The following CYP2C8 variants were observed in gnomAD, a reference collection of about 807,000 sequenced individuals.
The protein encoded by CYP2C8 is cytochrome P450 family 2 subfamily C member 8, also known as cytochrome P450 2C8.
CYP2C8 carries 51 observed loss-of-function variants against 41.3 expected under a neutral mutation model. The observed-to-expected ratio is 1.24, with a 90% CI of 0.99 to 1.56. CYP2C8 has a LOEUF of 1.56. CYP2C8 is among the 40% of genes most tolerant of loss of function. CYP2C8 has a pLI of 0.00. For missense variants in CYP2C8, 651 were observed against 579.9 expected, an observed-to-expected ratio of 1.12 and a Z score of -1.26; for synonymous variants, 218 against 205.8, an observed-to-expected ratio of 1.06 and a Z score of -0.51.
rs1405880034 is a variant in CYP2C8 at position 95,045,961 on chromosome 10, AT to A, written c.820-11del. The A allele has an allele frequency of 1.2e-6, 2 of 1,613,588 alleles. No individual in the cohort carries two copies. The highest frequency in any genetic ancestry group is 2.7e-5 in the African/African-American group (2 of 74,922). ...TTTGGTTGTCCTTTTCCTAGAAGTGATTTCATGCAATTATCTGACAAATTAT... is the reference window on the plus strand; with the variant it reads ...TTTGGTTGTCCTTTTCCTAGAAGTGATTCATGCAATTATCTGACAAATTAT... On this transcript the variant is annotated splice_polypyrimidine_tract_variant and intron_variant, in intron 5 of 8. Coordinates refer to ENST00000371270, the MANE Select transcript of CYP2C8 (RefSeq NM_000770.3).
rs552247471 is a variant in CYP2C8 at position 95,038,936 on chromosome 10, T to A, written c.1252A>T (p.Asn418Tyr). 1.2e-6 allele frequency: 2 copies of A among 1,614,042 alleles called. No individual in the cohort carries two copies. Among genetic ancestry groups the A allele is most frequent in the South Asian group, 2.2e-5 (2 of 91,084 alleles). ...ATGAAGTAGTCACTTTTCTTAAAGT[T>A]GCCATTCTTATCTAGAAAGTGGCCA... Reference protein sequence around the residue: ...DPGHFLDKNGNFKKSDYFMPF... With the variant: ...DPGHFLDKNGYFKKSDYFMPF... The change falls in exon 8 of 9, where the codon AAC (asparagine) becomes TAC (tyrosine). Residue 418 changes from asparagine to tyrosine, a missense_variant. Asn to Tyr is a moderately radical substitution (Grantham distance 143). Transcript: ENST00000371270.
intron 5 of CYP2C8, among the ~76,000 whole-genome samples, chr10:95,054,612 T>A (rs2033277527): frequency 6.6e-6 from 1 of 152,082 alleles, no homozygotes; most frequent in African/African-American, 2.4e-5. Context: ...AAGGAAGACG[T>A]AAAACTATTT....
chr10:95,059,110 G>A (rs947684679), intron 4 of CYP2C8, among the ~76,000 whole-genome samples: 2 of 152,172 alleles, frequency 1.3e-5, no homozygotes, highest in Non-Finnish European at 2.9e-5. Flanking sequence ...ACATACGTGT[G>A]CATGTGTCTT....
intron 5 of CYP2C8, among the ~76,000 whole-genome samples, chr10:95,051,872 A>T (rs2033219781): frequency 6.6e-6 from 1 of 152,116 alleles, no homozygotes; most frequent in Non-Finnish European, 1.5e-5. Context: ...ATAGAAGAAA[A>T]ACATCAAATA....
chr10:95,055,809 G>T (rs911215717), intron 5 of CYP2C8, among the ~76,000 whole-genome samples: 1 of 152,078 alleles, frequency 6.6e-6, no homozygotes, highest in African/African-American at 2.4e-5. Context: ...TAAGCAAAGG[G>T]CCAGGTGTGG....
At chr10:95,053,894 G>A (rs981252615) in intron 5 of CYP2C8, among the ~76,000 whole-genome samples, 6 of 151,968 alleles carry the variant, frequency 3.9e-5, no homozygotes, top group African/African-American at 1.5e-4. Flanking sequence ...TAACAAACCT[G>A]CACATTCTGC....
At chr10:95,060,028 G>C (rs1245986899) in intron 4 of CYP2C8, among the ~76,000 whole-genome samples, 1 of 152,202 alleles carries the variant, frequency 6.6e-6, no homozygotes, top group Non-Finnish European at 1.5e-5. Flanking sequence ...CCAGTACCAA[G>C]CTGTTTTGGT....
chr10:95,068,751 A>G, intron 1 of CYP2C8: 1 of 577,998 alleles, frequency 1.7e-6, no homozygotes, highest in Non-Finnish European at 2.9e-6. Context: ...GCTATTTCTG[A>G]CAATGACAGA....
intron 5 of CYP2C8, among the ~76,000 whole-genome samples, chr10:95,055,376 T>G (rs1227793297): frequency 1.3e-5 from 2 of 151,874 alleles, no homozygotes; most frequent in Non-Finnish European, 2.9e-5. Flanking sequence ...AATAAATAAA[T>G]AAAGGAAGCG....
chr10:95,066,009 C>T (rs1039127329), intron 3 of CYP2C8, among the ~76,000 whole-genome samples: 1 of 151,962 alleles, frequency 6.6e-6, no homozygotes, highest in African/African-American at 2.4e-5. Context: ...AAGAAACCTG[C>T]TGAGTTAGCT....
chr10:95,039,221 T>C (rs1228178198), intron 7 of CYP2C8, 183 bp from the exon 8 acceptor site: 1 of 621,576 alleles, frequency 1.6e-6, no homozygotes, highest in Admixed American at 2.6e-5. Context: ...AGCTTTCCAA[T>C]CACATTTGAA....
At chr10:95,046,748 T>TAAAAAAAAAAAAAAAAAAAAAAAAAAAA (rs56702266) in intron 5 of CYP2C8, among the ~76,000 whole-genome samples, 1 of 128,984 alleles carries the variant, frequency 7.8e-6, no homozygotes, top group Non-Finnish European at 1.6e-5. Context: ...CTAAATATGG[T>TAAAAAAAAAAAAAAAAAAAAAAAAAAAA]AAAAAAAAAA....
At chr10:95,054,317 A>AC (rs1361572105) in intron 5 of CYP2C8, among the ~76,000 whole-genome samples, 1 of 152,168 alleles carries the variant, frequency 6.6e-6, no homozygotes, top group Non-Finnish European at 1.5e-5. Context: ...AACAAGATAG[A>AC]CCATCTGAAT....
chr10:95,046,951 T>C (rs2033121033), intron 5 of CYP2C8, among the ~76,000 whole-genome samples: 1 of 152,154 alleles, frequency 6.6e-6, no homozygotes, highest in South Asian at 2.1e-4. Flanking sequence ...TTGTTATAGG[T>C]GGAATCTGGT....
Position 95,036,982 on chromosome 10 carries a change from C to T in CYP2C8, c.*146G>A, listed in dbSNP as rs1589434561. The T allele has an allele frequency of 3.9e-6, 3 of 767,170 alleles. No homozygotes were observed. Among genetic ancestry groups the T allele is most frequent in the Admixed American group, 2.0e-5 (1 of 50,046 alleles). The allele number at this position is 767,170 out of a possible 1,614,324, so 47.5% of individuals were successfully genotyped here. On this transcript the variant is annotated 3_prime_UTR_variant, in exon 9 of 9. Coordinates refer to ENST00000371270, the MANE Select transcript of CYP2C8 (RefSeq NM_000770.3). ...TTTGTGCAGTGACCTGAACAACTCTCCTTAATGGAGTTTGGATGCTTATGG... is the reference window on the plus strand; with the variant it reads ...TTTGTGCAGTGACCTGAACAACTCTTCTTAATGGAGTTTGGATGCTTATGG...
chr10:95,067,498 C>T, intron 2 of CYP2C8, 31 bp downstream of exon 2: 8 of 1,614,072 alleles, frequency 5.0e-6, no homozygotes, highest in Non-Finnish European at 6.8e-6. Flanking sequence ...ACCCCAGTTA[C>T]CAAAGCTGAC....
At chr10:95,040,903 A>G (rs1476472803) in intron 7 of CYP2C8, 18 of 456,156 alleles carry the variant, frequency 3.9e-5, no homozygotes. Flanking sequence ...ACAGACCCAC[A>G]TTAGGGAACG....
chr10:95,057,271 C>T (rs1313862371), intron 5 of CYP2C8, among the ~76,000 whole-genome samples: 2 of 152,114 alleles, frequency 1.3e-5, no homozygotes, highest in Admixed American at 1.3e-4. Flanking sequence ...TGACTCCCAC[C>T]TCCTACCTCA....
intron 7 of CYP2C8, among the ~76,000 whole-genome samples, chr10:95,042,394 A>T (rs2033020365): frequency 9.6e-6 from 1 of 103,898 alleles, no homozygotes; most frequent in Non-Finnish European, 2.0e-5. Flanking sequence ...TATACCAATT[A>T]CAAAGAAATA....
Sources: gnomAD v4.1 joint callset for allele counts (sites outside exome capture counted in the v4.1 genomes callset) on GRCh38, gnomAD v4.1.1 for gene constraint, MANE v1.5 for transcripts, NCBI Gene and HGNC (gene_info 2026-07-23, HGNC 2026-07-21) for gene names.